NXN: variants seen among roughly 807,000 people sequenced by gnomAD.
The protein encoded by NXN is nucleoredoxin 1.
Under a neutral mutation model 48.6 loss-of-function variants are expected in NXN, and 16 were observed. The observed-to-expected ratio is 0.33, with a 90% CI of 0.22 to 0.50. The LOEUF is 0.50. NXN is among the 20% of genes least tolerant of loss of function. NXN has a pLI of 0.98. For synonymous variants in NXN, 281 were observed against 269.6 expected, an observed-to-expected ratio of 1.04 and a Z score of -0.41; for missense variants, 492 against 605.5, an observed-to-expected ratio of 0.81 and a Z score of 1.97.
intron 5 of NXN, among the ~76,000 whole-genome samples, chr17:818,050 T>G (rs556870535): frequency 1.3e-5 from 2 of 151,648 alleles, no homozygotes; most frequent in Non-Finnish European, 2.9e-5. Context: ...CTTGAGCCCA[T>G]GAGTTCGAGA....
chr17:850,954 C>T (rs78753929), intron 1 of NXN, among the ~76,000 whole-genome samples: 22 of 152,284 alleles, frequency 1.4e-4, no homozygotes, highest in Non-Finnish European at 2.9e-4. Flanking sequence ...AGGACAGAAA[C>T]GTCCCAGTGA....
At position 927,380 on chromosome 17, in the gene NXN, AG is replaced by A. The variant is rs775941219; in HGVS notation, c.360+51938del. On this transcript the variant is annotated intron_variant, in intron 1 of 7. Coordinates refer to ENST00000336868, the MANE Select transcript of NXN (RefSeq NM_022463.5). Reference sequence around the variant, plus strand: ...TCCCAGCACTTTGGGAGGCCAGGGCAGGCAGATCGCTTGAGCTCACAAGTTC... The same window carrying A: ...TCCCAGCACTTTGGGAGGCCAGGGCAGCAGATCGCTTGAGCTCACAAGTTC... Among the ~76,000 whole-genome samples, 60 of 152,164 alleles carry A rather than the reference AG, an allele frequency of 3.9e-4. 1 individual carries two copies. The highest frequency in any genetic ancestry group is 2.9e-3 in the Admixed American group (44 of 15,268).
chr17:904,424 T>C (rs61605349), intron 1 of NXN, among the ~76,000 whole-genome samples: 1 of 120,196 alleles, frequency 8.3e-6, no homozygotes, highest in Non-Finnish European at 1.8e-5. Flanking sequence ...AGTGGCCTCT[T>C]TTCCGAGGGC....
intron 5 of NXN, among the ~76,000 whole-genome samples, chr17:814,202 TGAGCAGAG>T (rs1912341308): frequency 1.3e-5 from 2 of 152,068 alleles, no homozygotes; most frequent in South Asian, 4.2e-4. Flanking sequence ...GCAGATGTAG[TGAGCAGAG>T]ATTGCGCCAC....
chr17:808,761 G>A (rs142130680), intron 5 of NXN, among the ~76,000 whole-genome samples: 3,846 of 141,370 alleles, frequency 0.027, 143 homozygotes, highest in African/African-American at 0.089. Context: ...TGCAGCCTCC[G>A]CCTCCTGGGT....
rs180681122 is a variant in NXN, at chr17:955,881, G to A, written c.360+23438C>T. ...TGTGCCACTGCACTCCAGCCTGGGC[G>A]ACAGAGCGAGACTCCATCTCAAAAA... is the stretch of plus-strand genomic sequence containing the variant. On this transcript the variant is annotated intron_variant, in intron 1 of 7. Transcript: ENST00000336868. Among the ~76,000 whole-genome samples, 935 of 151,082 alleles carry A rather than the reference G, an allele frequency of 6.2e-3. 3 individuals are homozygous for A. Among genetic ancestry groups the A allele is most frequent in the Admixed American group, 0.01 (152 of 15,138 alleles).
chr17:801,167 T>C, intron 7 of NXN, 36 bp from the exon 8 acceptor site: 1 of 1,471,126 alleles, frequency 6.8e-7, no homozygotes, highest in Non-Finnish European at 9.1e-7. Context: ...ACCAAGAAGT[T>C]TTAAAGAAAG....
At chr17:881,571 A>T in intron 1 of NXN, among the ~76,000 whole-genome samples, 1 of 152,168 alleles carries the variant, frequency 6.6e-6, no homozygotes, top group Admixed American at 6.5e-5. Context: ...TTATGAAGGT[A>T]AATGTTCATT....
intron 5 of NXN, among the ~76,000 whole-genome samples, chr17:818,057 G>A (rs926216095): frequency 9.2e-5 from 14 of 152,090 alleles, no homozygotes; most frequent in African/African-American, 2.4e-4. Flanking sequence ...CCATGAGTTC[G>A]AGACCAGCCT....
chr17:900,402 C>G (rs996952703), intron 1 of NXN, among the ~76,000 whole-genome samples: 5 of 152,104 alleles, frequency 3.3e-5, no homozygotes, highest in Admixed American at 1.3e-4. Context: ...ATGCCAGGAA[C>G]CCAGAGCTGA....
rs1038876399 is a variant in NXN at position 944,019 on chromosome 17, C to A, written c.360+35300G>T. 4.6e-5 allele frequency among the ~76,000 whole-genome samples: 7 copies of A among 152,188 alleles called. No homozygotes were observed. The East Asian group carries it at 1.4e-3, about 29-fold the overall frequency. On this transcript the variant is annotated intron_variant, in intron 1 of 7. Transcript: ENST00000336868. The stretch of plus-strand genomic sequence containing the variant: ...TTGGGAGGCCAAGGTGGGTGGATCA[C>A]CTGAGGTCAGGGGTTCGAGACCAGC...
At chr17:961,117 G>A (rs112289158) in intron 1 of NXN, among the ~76,000 whole-genome samples, 15,261 of 151,942 alleles carry the variant, frequency 0.1, 2,379 homozygotes, top group African/African-American at 0.33. Flanking sequence ...ATTCAGGCTG[G>A]GCACAGTGGC....
intron 1 of NXN, among the ~76,000 whole-genome samples, chr17:933,750 C>T (rs1192056785): frequency 6.6e-6 from 1 of 152,086 alleles, no homozygotes; most frequent in African/African-American, 2.4e-5. Context: ...GAGGCACTAA[C>T]TAGAAAGCTG....
At position 801,162 on chromosome 17, in the gene NXN, G is replaced by A. The variant is rs761537515; in HGVS notation, c.1126-31C>T. 5.4e-6 allele frequency: 8 copies of A among 1,487,886 alleles called. No individual in the cohort carries two copies. In the African/African-American group the frequency reaches 1.0e-4, roughly 19 times the overall value. The allele number at this position is 1,487,886 out of a possible 1,614,324, so 92.2% of individuals were successfully genotyped here. On this transcript the variant is annotated intron_variant, in intron 7 of 7. Coordinates refer to ENST00000336868, the MANE Select transcript of NXN (RefSeq NM_022463.5). ...GCCGTCAGGAGGGAGAGAAAACCAA[G>A]AAGTTTTAAAGAAAGGAGGGGGAGA...
intron 1 of NXN, among the ~76,000 whole-genome samples, chr17:836,416 G>A (rs1042551182): frequency 2.0e-5 from 3 of 152,238 alleles, no homozygotes; most frequent in Admixed American, 6.5e-5. Flanking sequence ...GCCAAATGCC[G>A]ACCACAATCA....
intron 1 of NXN, among the ~76,000 whole-genome samples, chr17:840,364 G>A (rs1914078322): frequency 6.6e-6 from 1 of 151,704 alleles, no homozygotes; most frequent in Non-Finnish European, 1.5e-5. Flanking sequence ...TCTTGAGACG[G>A]AGTCTCGCTC....
At chr17:913,061 T>C (rs1234048933) in intron 1 of NXN, among the ~76,000 whole-genome samples, 1 of 152,246 alleles carries the variant, frequency 6.6e-6, no homozygotes, top group Non-Finnish European at 1.5e-5. Flanking sequence ...GGGTTTATCA[T>C]TTGATCTGGT....
At chr17:813,003 CAT>C (rs936502154) in intron 5 of NXN, among the ~76,000 whole-genome samples, 1 of 151,658 alleles carries the variant, frequency 6.6e-6, no homozygotes, top group African/African-American at 2.4e-5. Flanking sequence ...TAGGTGTTTG[CAT>C]GTGTGTAGGT....
At chr17:803,915 G>A in intron 6 of NXN, 109 bp from the exon 7 acceptor site, 1 of 1,432,218 alleles carries the variant, frequency 7.0e-7, no homozygotes, top group Non-Finnish European at 9.6e-7. Context: ...CGCCTGAGCG[G>A]CCCCTGAACG....
Sources: gnomAD v4.1 joint callset for allele counts (sites outside exome capture counted in the v4.1 genomes callset) on GRCh38, gnomAD v4.1.1 for gene constraint, MANE v1.5 for transcripts, NCBI Gene and HGNC (gene_info 2026-07-23, HGNC 2026-07-21) for gene names.